The following FLRT1 variants were observed in gnomAD, a reference collection of about 807,000 sequenced individuals.
FLRT1 encodes the protein fibronectin leucine rich transmembrane protein 1.
FLRT1 carries 14 observed loss-of-function variants against 30.9 expected under a neutral mutation model. The observed-to-expected ratio is 0.45, with a 90% CI of 0.30 to 0.71. The LOEUF (loss-of-function observed/expected upper bound fraction) is 0.71. FLRT1 is among the 30% of genes least tolerant of loss of function. The pLI is 0.08. For missense variants in FLRT1, 737 were observed against 949.2 expected (o/e 0.78, Z 2.94); for synonymous variants, 368 against 430.4 (o/e 0.85, Z 1.80).
chr11:64,089,939 C>A (rs934840928), intron 1 of FLRT1, among the ~76,000 whole-genome samples: 2 of 152,176 alleles, frequency 1.3e-5, no homozygotes, highest in East Asian at 3.8e-4. Flanking sequence ...GTTTGCCCCC[C>A]ACGCCCTGTA....
intron 1 of FLRT1, among the ~76,000 whole-genome samples, chr11:64,074,557 T>C (rs1944167682): frequency 6.6e-6 from 1 of 152,156 alleles, no homozygotes; most frequent in South Asian, 2.1e-4. Context: ...GAGAAGCAAT[T>C]CCGATGTCAC....
At chr11:64,052,712 G>A (rs973949674) in intron 1 of FLRT1, among the ~76,000 whole-genome samples, 6 of 152,236 alleles carry the variant, frequency 3.9e-5, no homozygotes, top group African/African-American at 1.4e-4. Flanking sequence ...GAGAAGCCAA[G>A]TAGCCTGCCA....
rs1284263680 is a variant in FLRT1, at chr11:64,096,808, GGGCTGCCGTGTCCCCATACCCT to G, written c.-1037-6385_-1037-6364del. Among the ~76,000 whole-genome samples the G allele has an allele frequency of 6.6e-6, 1 of 152,166 alleles. No homozygotes were observed. Among genetic ancestry groups the G allele is most frequent in the East Asian group, 1.9e-4 (1 of 5,184 alleles). On this transcript the variant is annotated intron_variant, in intron 1 of 2. Coordinates refer to ENST00000682287, the MANE Select transcript of FLRT1 (RefSeq NM_013280.5). The surrounding 1 kb of genome is among the most constrained non-coding windows in gnomAD (Gnocchi z 4.6). ...GAGGGGAAGAGGGCAGGCCTGTGGG[GGGCTGCCGTGTCCCCATACCCT>G]CCAAGCACACTGCCAGCTGTGTCCC... is the stretch of plus-strand genomic sequence containing the variant.
chr11:64,050,331 T>C (rs1365393660), intron 1 of FLRT1, among the ~76,000 whole-genome samples: 4 of 152,126 alleles, frequency 2.6e-5, no homozygotes, highest in Non-Finnish European at 5.9e-5. Context: ...AGTTTAGTGC[T>C]CTTCCCACTG....
At chr11:64,059,237 C>T (rs2154977) in intron 1 of FLRT1, among the ~76,000 whole-genome samples, 4,232 of 152,202 alleles carry the variant, frequency 0.028, 196 homozygotes, top group African/African-American at 0.095. Context: ...TTCCTCTTGC[C>T]GAGCGGGGAA....
intron 1 of FLRT1, among the ~76,000 whole-genome samples, chr11:64,045,170 G>A (rs1166380583): frequency 2.6e-5 from 4 of 151,860 alleles, no homozygotes; most frequent in East Asian, 3.9e-4. Flanking sequence ...GGCCTGTGAC[G>A]TCAGCAGGTG....
chr11:64,101,133 C>G (rs943804984), intron 1 of FLRT1, among the ~76,000 whole-genome samples: 1 of 151,942 alleles, frequency 6.6e-6, no homozygotes, highest in Non-Finnish European at 1.5e-5. Flanking sequence ...AGAGGGTGGC[C>G]CATTGCAGGG....
At chr11:64,098,898 T>A (rs1944623439) in intron 1 of FLRT1, among the ~76,000 whole-genome samples, 1 of 152,140 alleles carries the variant, frequency 6.6e-6, no homozygotes, top group Non-Finnish European at 1.5e-5. Context: ...GACACATACA[T>A]AAAAATCCAT....
chr11:64,082,685 C>A lies in FLRT1; in HGVS notation c.-1037-20509C>A, dbSNP rs1039333128. On this transcript the variant is annotated intron_variant, in intron 1 of 2. Coordinates refer to ENST00000682287, the MANE Select transcript of FLRT1 (RefSeq NM_013280.5). This position sits in a 1 kb window ranked among gnomAD's most constrained non-coding sequence, Gnocchi z 4.5. ...AGCCCCAGACCCCTGTCCTGCTCCA[C>A]CCTGCAGGCCCCTGGGTCTCACACA... Among the ~76,000 whole-genome samples, 1 of 152,134 alleles carries A rather than the reference C, an allele frequency of 6.6e-6. No individual in the cohort carries two copies. Among genetic ancestry groups the A allele is most frequent in the Admixed American group, 6.5e-5 (1 of 15,284 alleles).
chr11:64,047,321 G>C lies in FLRT1; in HGVS notation c.-1038+11162G>C, dbSNP rs1943603045. Among the ~76,000 whole-genome samples, 3 of 152,252 alleles carry C rather than the reference G, an allele frequency of 2.0e-5. No homozygotes were observed. The South Asian group carries it at 6.2e-4, about 32-fold the overall frequency. Reference sequence around the variant, plus strand: ...CAACAGCCCTGGGAGTGGGTAGCGTGAGCCCATTTTAAGAAGGCGAAACCT... The same window carrying C: ...CAACAGCCCTGGGAGTGGGTAGCGTCAGCCCATTTTAAGAAGGCGAAACCT... On this transcript the variant is annotated intron_variant, in intron 1 of 2. Coordinates refer to ENST00000682287, the MANE Select transcript of FLRT1 (RefSeq NM_013280.5).
intron 1 of FLRT1, among the ~76,000 whole-genome samples, chr11:64,097,800 G>A (rs1404679021): frequency 6.6e-6 from 1 of 152,172 alleles, no homozygotes; most frequent in Admixed American, 6.5e-5. Context: ...AGCCTCCAGA[G>A]GCCTTCCTGC....
chr11:64,051,930 T>G (rs1056061133), intron 1 of FLRT1, among the ~76,000 whole-genome samples: 7 of 151,692 alleles, frequency 4.6e-5, no homozygotes, highest in African/African-American at 1.7e-4. Context: ...GACTGGATAC[T>G]CCAAGGCCAC....
At position 64,111,537 on chromosome 11, in the gene FLRT1, T is replaced by TG. The variant is rs1289358884; in HGVS notation, c.-49-4679dup. Among the ~76,000 whole-genome samples, 17 of 152,368 alleles carry TG rather than the reference T, an allele frequency of 1.1e-4. No homozygotes were observed. In the South Asian group the frequency reaches 3.5e-3, roughly 32 times the overall value. ...AGGGACAGACGTGCAGTGGGAAATC[T>TG]GGGCTGGCTGTGACCTTGGCTGGGC... is the stretch of plus-strand genomic sequence containing the variant. On this transcript the variant is annotated intron_variant, in intron 2 of 2. Transcript: ENST00000682287.
chr11:64,091,497 G>A (rs1944489708), intron 1 of FLRT1, among the ~76,000 whole-genome samples: 2 of 150,702 alleles, frequency 1.3e-5, no homozygotes, highest in African/African-American at 2.4e-5. Context: ...TGAGGCTGGG[G>A]TGGGGTTGGG....
intron 1 of FLRT1, among the ~76,000 whole-genome samples, chr11:64,048,668 G>C (rs563577178): frequency 6.1e-5 from 9 of 147,112 alleles, no homozygotes; most frequent in Admixed American, 2.0e-4. Context: ...CCTTAAAGCA[G>C]CCCTACAAAG....
chr11:64,050,001 T>C (rs1462218637), intron 1 of FLRT1, among the ~76,000 whole-genome samples: 1 of 152,190 alleles, frequency 6.6e-6, no homozygotes, highest in Non-Finnish European at 1.5e-5. Context: ...TGCCATATTA[T>C]AAATAATGCT....
At chr11:64,071,776 C>T (rs887595492) in intron 1 of FLRT1, among the ~76,000 whole-genome samples, 1 of 152,174 alleles carries the variant, frequency 6.6e-6, no homozygotes, top group Admixed American at 6.5e-5. Flanking sequence ...CCATCCTCCT[C>T]AGGGCCTGTG....
Position 64,116,307 on chromosome 11 carries a change from CCCACTGCCACTGTCACGG to C in FLRT1, c.45_62del (p.Ala16_Thr21del), listed in dbSNP as rs1490671579. 4 of 1,607,164 alleles carry C rather than the reference CCCACTGCCACTGTCACGG, an allele frequency of 2.5e-6. No homozygotes were observed. Among genetic ancestry groups the C allele is most frequent in the Non-Finnish European group, 3.4e-6 (4 of 1,178,316 alleles). On this transcript the variant is annotated inframe_deletion, in exon 3 of 3. Transcript: ENST00000682287. ...CCCCACCGCCACTGCCACCACCACG[CCCACTGCCACTGTCACGG>C]CCACCGTTGTGATGACCACGGCCAC...
At chr11:64,089,130 G>A (rs545079401) in intron 1 of FLRT1, among the ~76,000 whole-genome samples, 1 of 152,326 alleles carries the variant, frequency 6.6e-6, no homozygotes, top group South Asian at 2.1e-4. Context: ...AGGAGCCCAG[G>A]AGCCCGCTGG....
Sources: allele counts gnomAD v4.1 joint callset (sites outside exome capture counted in the v4.1 genomes callset), GRCh38; gene constraint gnomAD v4.1.1; non-coding constraint Gnocchi (gnomAD v3.1); transcripts MANE v1.5; gene names NCBI Gene and HGNC (gene_info 2026-07-23, HGNC 2026-07-21).